Variants in DPF3 observed in about 807,000 individuals in gnomAD.
DPF3 encodes the protein zinc finger protein DPF3.
A neutral mutation model predicts 56.8 loss-of-function variants in DPF3; 18 were observed. The observed-to-expected ratio is 0.32, with a 90% confidence interval of 0.22 to 0.47. DPF3 has a LOEUF of 0.47. Among genes scored for constraint, DPF3 ranks in the 20% least tolerant of loss-of-function variants. DPF3 has a pLI of 1.00. For synonymous variants in DPF3, 188 were observed against 180.2 expected (o/e 1.04, Z -0.35); for missense variants, 403 against 488.8 (o/e 0.82, Z 1.65).
Position 72,612,440 on chromosome 14 carries a change from T to C in DPF3, c.*6857A>G, listed in dbSNP as rs180786418. The C allele has an allele frequency of 3.9e-6, 2 of 517,356 alleles. No homozygotes were observed. The highest frequency in any genetic ancestry group is 7.7e-6 in the Non-Finnish European group (2 of 259,094). 32.0% of individuals were successfully genotyped at this position (517,356 alleles called of 1,614,324 possible). ...GGCAGTGTTTCTGTCCTTTTTTTTT[T>C]TCTAGTACCTAATTTAGGCTTCTTC... On this transcript the variant is annotated 3_prime_UTR_variant, in exon 11 of 11. Transcript: ENST00000556509.
chr14:72,800,643 T>TGGATGCATGGATGGATGCATGGATGAAC (rs1184451306), intron 1 of DPF3, among the ~76,000 whole-genome samples: 48 of 151,872 alleles, frequency 3.2e-4, no homozygotes, highest in African/African-American at 1.2e-3. Flanking sequence ...GATGCACAGA[T>TGGATGCATGGATGGATGCATGGATGAAC]GGATGCATGG....
At chr14:72,675,431 G>A (rs1156801483) in intron 7 of DPF3, 1 of 152,176 alleles carries the variant, frequency 6.6e-6, no homozygotes, top group East Asian at 1.9e-4. Flanking sequence ...AACCACCCAA[G>A]TATCTTCCTC....
chr14:72,751,736 T>C (rs1243766082), intron 3 of DPF3, among the ~76,000 whole-genome samples: 1 of 152,242 alleles, frequency 6.6e-6, no homozygotes, highest in Non-Finnish European at 1.5e-5. Flanking sequence ...GAATATATTA[T>C]TGAAATTCAT....
At chr14:72,747,765 G>C (rs1890386578) in intron 3 of DPF3, among the ~76,000 whole-genome samples, 1 of 152,080 alleles carries the variant, frequency 6.6e-6, no homozygotes, top group African/African-American at 2.4e-5. Flanking sequence ...TCTTTCCCAT[G>C]CTGTTCTTAT....
At chr14:72,773,473 T>C (rs1891625161) in intron 1 of DPF3, among the ~76,000 whole-genome samples, 1 of 152,164 alleles carries the variant, frequency 6.6e-6, no homozygotes, top group Admixed American at 6.5e-5. Context: ...TAACATAAAA[T>C]TTCCCATCTT....
chr14:72,711,489 G>C (rs994585717), intron 6 of DPF3, among the ~76,000 whole-genome samples: 2 of 152,178 alleles, frequency 1.3e-5, no homozygotes, highest in African/African-American at 4.8e-5. Context: ...AAGCTGTTGA[G>C]AGGGTGGACA....
chr14:72,809,398 G>A (rs749906610), intron 1 of DPF3, among the ~76,000 whole-genome samples: 6 of 152,176 alleles, frequency 3.9e-5, no homozygotes, highest in African/African-American at 7.2e-5. Context: ...ACATGGCACC[G>A]GTGAAGGGCA....
intron 1 of DPF3, among the ~76,000 whole-genome samples, chr14:72,828,084 T>A (rs1347323943): frequency 6.6e-6 from 1 of 152,198 alleles, no homozygotes; most frequent in East Asian, 1.9e-4. Flanking sequence ...CTTCAAAAAA[T>A]ATTATCTCAT....
At chr14:72,641,393 G>A (rs1599323472) in intron 8 of DPF3, among the ~76,000 whole-genome samples, 1 of 152,282 alleles carries the variant, frequency 6.6e-6, no homozygotes, top group East Asian at 1.9e-4. Flanking sequence ...GTAGATTCTG[G>A]GGCCAAAGCT....
chr14:72,767,201 A>G (rs1198911068), intron 2 of DPF3, among the ~76,000 whole-genome samples: 2 of 152,246 alleles, frequency 1.3e-5, no homozygotes, highest in Admixed American at 6.5e-5. Flanking sequence ...GCTAATATAG[A>G]AGATTTAAAT....
intron 1 of DPF3, among the ~76,000 whole-genome samples, chr14:72,860,262 A>G (rs1885344074): frequency 6.6e-6 from 1 of 152,162 alleles, no homozygotes; most frequent in Non-Finnish European, 1.5e-5. Context: ...AGCTCACTAC[A>G]ATGTCCACCT....
At chr14:72,780,942 G>A (rs375888524) in intron 1 of DPF3, among the ~76,000 whole-genome samples, 153 of 152,286 alleles carry the variant, frequency 1.0e-3, no homozygotes, top group Middle Eastern at 3.4e-3. Flanking sequence ...TGAAAGAATC[G>A]CTAAGGGGTG....
At chr14:72,627,551 G>A (rs1788704380) in intron 9 of DPF3, among the ~76,000 whole-genome samples, 1 of 152,004 alleles carries the variant, frequency 6.6e-6, no homozygotes, top group African/African-American at 2.4e-5. Context: ...TTTATCTATA[G>A]AGGCTTTACA....
At chr14:72,631,836 G>A (rs541868296) in intron 8 of DPF3, among the ~76,000 whole-genome samples, 4 of 152,308 alleles carry the variant, frequency 2.6e-5, no homozygotes, top group East Asian at 3.9e-4. Flanking sequence ...ATAATTGGCC[G>A]TAAAAACACA....
At chr14:72,639,355 G>A (rs1370339665) in intron 8 of DPF3, among the ~76,000 whole-genome samples, 1 of 152,148 alleles carries the variant, frequency 6.6e-6, no homozygotes, top group Admixed American at 6.5e-5. Flanking sequence ...ATCAATGAAG[G>A]ACACCATACT....
intron 3 of DPF3, among the ~76,000 whole-genome samples, chr14:72,735,142 GAA>G (rs1187390625): frequency 6.6e-6 from 1 of 152,086 alleles, no homozygotes; most frequent in Non-Finnish European, 1.5e-5. Context: ...GTCCTTCCTT[GAA>G]AAGTCTTTTT....
chr14:72,843,122 G>C (rs1301753134), intron 1 of DPF3, among the ~76,000 whole-genome samples: 5 of 152,182 alleles, frequency 3.3e-5, no homozygotes, highest in Non-Finnish European at 7.4e-5. Flanking sequence ...ATTCCGGGGA[G>C]CTCTCCTCTG....
At chr14:72,651,217 T>C (rs982653825) in intron 8 of DPF3, among the ~76,000 whole-genome samples, 1 of 151,800 alleles carries the variant, frequency 6.6e-6, no homozygotes, top group African/African-American at 2.4e-5. Flanking sequence ...GGGCAGGGGG[T>C]CTGGAATCTT....
intron 3 of DPF3, among the ~76,000 whole-genome samples, chr14:72,752,942 A>G (rs1360930944): frequency 2.0e-5 from 3 of 152,216 alleles, no homozygotes; most frequent in South Asian, 2.1e-4. Context: ...AAAGTATCAC[A>G]TGACCCGAAA....
Sources: allele counts gnomAD v4.1 joint callset (sites outside exome capture counted in the v4.1 genomes callset), GRCh38; gene constraint gnomAD v4.1.1; transcripts MANE v1.5; gene names NCBI Gene and HGNC (gene_info 2026-07-23, HGNC 2026-07-21).